Variants in UBAP2L observed in about 807,000 individuals in gnomAD.
UBAP2L encodes ubiquitin-associated protein 2-like.
UBAP2L carries 12 observed loss-of-function variants against 130.6 expected under a neutral mutation model. The ratio of observed to expected loss-of-function variants is 0.09; its 90% CI spans 0.06 to 0.15. The LOEUF is 0.15. Among genes scored for constraint, UBAP2L ranks in the 10% least tolerant of loss-of-function variants. The pLI is 1.00. For missense variants in UBAP2L, 965 were observed against 1,332.5 expected, an observed-to-expected ratio of 0.72 and a Z score of 4.29; for synonymous variants, 503 against 524.7, an observed-to-expected ratio of 0.96 and a Z score of 0.57.
In UBAP2L at chr1:154,257,247, C is replaced by T. The variant is rs1340465605; in HGVS notation, c.2342C>T (p.Ala781Val). Residue 781 changes from alanine to valine, a missense_variant, in exon 19 of 27, where the codon GCT (alanine) becomes GTT (valine). Coordinates refer to ENST00000428931, the MANE Select transcript of UBAP2L (RefSeq NM_014847.4). The stretch of plus-strand genomic sequence containing the variant: ...ACAGCCTCGACTCGAAGCTCAGTTG[C>T]TACGACTTCAGGTAGCCTTGCATAA... The part of the protein sequence containing the change: ...TVTASTRSSV[A>V]TTSGKAPPNL... The T allele has an allele frequency of 1.9e-6, 3 of 1,614,210 alleles. No homozygotes were observed. The highest frequency in any genetic ancestry group is 1.3e-5 in the African/African-American group (1 of 75,052).
Position 154,259,236 on chromosome 1 carries a change from A to T in UBAP2L, c.2496+206A>T, listed in dbSNP as rs551515676. The stretch of plus-strand genomic sequence containing the variant: ...AGACAGAGTCTTTCTCTGTCGCTCA[A>T]GCTGGAGTGCAGTGGTGTGATCTTG... On this transcript the variant is annotated intron_variant, in intron 21 of 26. Coordinates refer to ENST00000428931, the MANE Select transcript of UBAP2L (RefSeq NM_014847.4). Among the ~76,000 whole-genome samples the T allele has an allele frequency of 3.3e-5, 5 of 152,148 alleles. No individual in the cohort carries two copies. In the South Asian group the frequency reaches 8.3e-4, roughly 25 times the overall value.
At chr1:154,254,386 C>T (rs145148761) in intron 15 of UBAP2L, among the ~76,000 whole-genome samples, 79 of 152,264 alleles carry the variant, frequency 5.2e-4, no homozygotes, top group African/African-American at 1.9e-3. Context: ...TTTCTGGGTG[C>T]GTGTCAGTAG....
intron 18 of UBAP2L, among the ~76,000 whole-genome samples, chr1:154,256,083 G>C (rs990560117): frequency 6.6e-6 from 1 of 152,126 alleles, no homozygotes; most frequent in African/African-American, 2.4e-5. Flanking sequence ...TCTTTCCTTG[G>C]TCTTGGGTAT....
chr1:154,269,499 T>C, intron 26 of UBAP2L: 1 of 1,147,240 alleles, frequency 8.7e-7, no homozygotes, highest in South Asian at 1.3e-5. Context: ...TTGAAAAGAC[T>C]GCGCGGTCAC....
chr1:154,255,355 G>A (rs757055370), intron 17 of UBAP2L, 29 bp downstream of exon 17: 9 of 1,610,156 alleles, frequency 5.6e-6, no homozygotes, highest in South Asian at 2.2e-5. Context: ...GGAGGTTGGG[G>A]TTGGTGAATA....
At chr1:154,246,404 C>G (rs761099301) in intron 11 of UBAP2L, 29 bp downstream of exon 11, 7 of 1,594,118 alleles carry the variant, frequency 4.4e-6, no homozygotes. Context: ...TTATCCTAAT[C>G]AAACCTTCCT....
chr1:154,234,179 G>A (rs965274434), intron 4 of UBAP2L, among the ~76,000 whole-genome samples: 1 of 151,894 alleles, frequency 6.6e-6, no homozygotes, highest in Non-Finnish European at 1.5e-5. Flanking sequence ...CCTGGCCAAC[G>A]TGGTGAAACC....
intron 25 of UBAP2L, among the ~76,000 whole-genome samples, chr1:154,267,880 C>CTTTTTTTTTGTTTTTTTTTTTT (rs1683770848): frequency 1.9e-5 from 1 of 52,056 alleles, no homozygotes; most frequent in Non-Finnish European, 3.6e-5. Context: ...CTTATTTGGT[C>CTTTTTTTTTGTTTTTTTTTTTT]TTTTTTTTTT....
At chr1:154,234,400 A>T (rs1670944441) in intron 4 of UBAP2L, among the ~76,000 whole-genome samples, 191 bp from the exon 5 acceptor site, 1 of 151,980 alleles carries the variant, frequency 6.6e-6, no homozygotes, top group Non-Finnish European at 1.5e-5. Context: ...TAAATAAAAA[A>T]TAAAGGACTT....
At chr1:154,223,122 TAA>T (rs35435024) in intron 1 of UBAP2L, among the ~76,000 whole-genome samples, 3 of 151,992 alleles carry the variant, frequency 2.0e-5, no homozygotes, top group African/African-American at 7.2e-5. Flanking sequence ...TACTAGGTGG[TAA>T]AAATTTTCTT....
chr1:154,251,640 A>C lies in UBAP2L; in HGVS notation c.1651A>C (p.Thr551Pro). The C allele has an allele frequency of 6.2e-7, 1 of 1,614,102 alleles. No homozygotes were observed. The highest frequency in any genetic ancestry group is 1.1e-5 in the South Asian group (1 of 91,088). ...SSSQAPSSLY[T>P]STASESSSTI... Reference sequence around the variant, plus strand: ...AAGCCAGGCTCCAAGTAGCCTGTATACCAGCACGGCCAGGTAGAGGAAACA... The same window carrying C: ...AAGCCAGGCTCCAAGTAGCCTGTATCCCAGCACGGCCAGGTAGAGGAAACA... Residue 551 changes from threonine (T) to proline (P), a missense_variant, in exon 14 of 27, where the codon ACC becomes CCC. Thr to Pro is a conservative substitution (Grantham distance 38). Around this residue, in one of 9 missense-constraint regions of UBAP2L, gnomAD observed 393 missense variants for 408.1 expected, o/e 0.96. Transcript: ENST00000428931.
intron 14 of UBAP2L, 54 bp from the exon 15 acceptor site, chr1:154,253,846 G>T: frequency 1.3e-6 from 2 of 1,563,896 alleles, no homozygotes; most frequent in South Asian, 1.1e-5. Flanking sequence ...TCCTTAGTAT[G>T]AGTAGATATG....
rs368298361 is a variant in UBAP2L, at chr1:154,261,713, C to T, written c.2902+16C>T. The T allele has an allele frequency of 1.9e-6, 3 of 1,612,364 alleles. No homozygotes were observed. The highest frequency in any genetic ancestry group is 2.5e-6 in the Non-Finnish European group (3 of 1,178,504). On this transcript the variant is annotated intron_variant, in intron 24 of 26. Transcript: ENST00000428931. ...TACAACACTGGTAAGCTGACCTTGTCTCTGGCTCGGTGTTATCTGTGGGGT... is the reference window on the plus strand; with the variant it reads ...TACAACACTGGTAAGCTGACCTTGTTTCTGGCTCGGTGTTATCTGTGGGGT...
At position 154,228,732 on chromosome 1, in the gene UBAP2L, TGC is replaced by T. The variant is rs1668796148; in HGVS notation, c.279+8_279+9del. 3 of 1,604,102 alleles carry T rather than the reference TGC, an allele frequency of 1.9e-6. No homozygotes were observed. Among genetic ancestry groups the T allele is most frequent in the Non-Finnish European group, 2.6e-6 (3 of 1,175,432 alleles). On this transcript the variant is annotated splice_region_variant and intron_variant, in intron 4 of 26. Transcript: ENST00000428931. The stretch of plus-strand genomic sequence containing the variant: ...GGAAGGAAACCCAGACACGGTAGAG[TGC>T]TTATAGAGTGTTCTAGGACATGGGT...
intron 4 of UBAP2L, among the ~76,000 whole-genome samples, chr1:154,233,315 CTTTTTTTTCT>C (rs1031157136): frequency 5.3e-5 from 8 of 149,800 alleles, no homozygotes; most frequent in East Asian, 2.0e-4. Flanking sequence ...GCGCCTGGCC[CTTTTTTTTCT>C]TTTTTTTTCT....
intron 1 of UBAP2L, among the ~76,000 whole-genome samples, chr1:154,221,647 G>T (rs1446287859): frequency 2.0e-5 from 3 of 152,198 alleles, no homozygotes; most frequent in African/African-American, 7.2e-5. Context: ...GCGCTGAGGG[G>T]GGTGAGCCTC....
intron 4 of UBAP2L, among the ~76,000 whole-genome samples, chr1:154,229,235 A>G (rs1265585891): frequency 6.6e-6 from 1 of 152,132 alleles, no homozygotes; most frequent in Non-Finnish European, 1.5e-5. Flanking sequence ...GTAGCAGAGA[A>G]ACAAGCTTTG....
intron 10 of UBAP2L, among the ~76,000 whole-genome samples, chr1:154,244,479 T>G (rs1007144745): frequency 2.6e-5 from 4 of 152,000 alleles, no homozygotes; most frequent in African/African-American, 9.7e-5. Flanking sequence ...TTCAAGCCAT[T>G]CTTCTGCCTC....
intron 1 of UBAP2L, among the ~76,000 whole-genome samples, chr1:154,224,007 A>G (rs1005712028): frequency 6.6e-6 from 1 of 152,238 alleles, no homozygotes; most frequent in African/African-American, 2.4e-5. Flanking sequence ...ACACTCTATC[A>G]TATGATTAAT....
Sources: allele counts gnomAD v4.1 joint callset (sites outside exome capture counted in the v4.1 genomes callset), GRCh38; gene constraint gnomAD v4.1.1; regional missense constraint gnomAD v4.1.1; transcripts MANE v1.5; gene names NCBI Gene and HGNC (gene_info 2026-07-23, HGNC 2026-07-21).